Variants in ZNF121 observed in about 807,000 individuals in gnomAD.
ZNF121 encodes zinc finger protein 121, also known as zinc finger protein 121 (clone ZHC32).
A neutral mutation model predicts 2.4 loss-of-function variants in ZNF121; 1 was observed. The ratio of observed to expected loss-of-function variants is 0.41; its 90% CI spans 0.15 to 1.94. The LOEUF (loss-of-function observed/expected upper bound fraction) is 1.94, where lower values mean the gene tolerates loss of function less well. ZNF121 is among the 30% of genes most tolerant of loss of function. The probability of loss-of-function intolerance (pLI) is 0.30; values close to 1 mark genes in which losing one functional copy is unlikely to be tolerated. For synonymous variants in ZNF121, 173 were observed against 158.6 expected (o/e 1.09, Z -0.68); for missense variants, 369 against 466.3 (o/e 0.79, Z 1.92).
intron 1 of ZNF121, among the ~76,000 whole-genome samples, chr19:9,577,806 T>C (rs958742608): frequency 9.9e-5 from 15 of 152,042 alleles, no homozygotes; most frequent in Non-Finnish European, 1.5e-4. Flanking sequence ...CCCAGCACTT[T>C]GGGAGGCCGA....
rs985827990 is a variant in ZNF121 at position 9,566,513 on chromosome 19, A to G, written c.600T>C (p.Tyr200=). The G allele has an allele frequency of 1.4e-5, 23 of 1,614,064 alleles. No homozygotes were observed. Among genetic ancestry groups the G allele is most frequent in the Middle Eastern group, 1.6e-4 (1 of 6,084 alleles). The part of the protein sequence containing the change: ...HVRIHTGEKP[Y]QCKECGRAFA... Reference sequence around the variant, plus strand: ...AGGCTCTTCCACATTCCTTACATTGATAAGGTTTCTCTCCAGTATGAATTC... The same window carrying G: ...AGGCTCTTCCACATTCCTTACATTGGTAAGGTTTCTCTCCAGTATGAATTC... The change falls in exon 4 of 4, where the codon TAT becomes TAC. Residue 200 remains tyrosine (Y), a synonymous_variant. Coordinates refer to ENST00000320451, the MANE Select transcript of ZNF121 (RefSeq NM_001008727.5).
chr19:9,566,646 G>A lies in ZNF121; in HGVS notation c.467C>T (p.Ser156Phe), dbSNP rs753298889. Residue 156 changes from serine to phenylalanine, a missense_variant, in exon 4 of 4, where the codon TCT becomes TTT. Physicochemically the swap from Ser to Phe is radical, Grantham distance 155. Coordinates refer to ENST00000320451, the MANE Select transcript of ZNF121 (RefSeq NM_001008727.5). ...TCGCATGTGACTATTAAGATATGAA[G>A]AATATCTAAAGAATTTTCCACATTC... ...CKECGKFFRY[S>F]SYLNSHMRTH... The A allele has an allele frequency of 6.2e-7, 1 of 1,614,132 alleles. No individual in the cohort carries two copies. Among genetic ancestry groups the A allele is most frequent in the Admixed American group, 1.7e-5 (1 of 60,022 alleles).
At chr19:9,568,369 T>C (rs1242115610) in intron 2 of ZNF121, among the ~76,000 whole-genome samples, 194 bp from the exon 3 acceptor site, 1 of 149,654 alleles carries the variant, frequency 6.7e-6, no homozygotes, top group African/African-American at 2.5e-5. Flanking sequence ...CTAAACTTAG[T>C]AATTTTTTTT....
intron 1 of ZNF121, among the ~76,000 whole-genome samples, chr19:9,571,051 C>T (rs1400078013): frequency 2.6e-5 from 4 of 152,148 alleles, no homozygotes; most frequent in South Asian, 2.1e-4. Context: ...GCTAACTGAT[C>T]GTGCTGTCCC....
intron 1 of ZNF121, among the ~76,000 whole-genome samples, chr19:9,576,929 A>T (rs1231982798): frequency 6.6e-6 from 1 of 152,230 alleles, no homozygotes; most frequent in Non-Finnish European, 1.5e-5. Flanking sequence ...GAAAACCTCA[A>T]CACACCAATA....
chr19:9,567,973 A>G, intron 3 of ZNF121, 122 bp downstream of exon 3: 2 of 1,119,614 alleles, frequency 1.8e-6, no homozygotes, highest in Non-Finnish European at 2.5e-6. Context: ...CCCTTGCTCT[A>G]GAGACATTCC....
rs2074099510 is a variant in ZNF121 at position 9,561,330 on chromosome 19, A to C, written c.*4610T>G. 1 of 152,202 alleles carries C rather than the reference A, an allele frequency of 6.6e-6. No individual in the cohort carries two copies. Among genetic ancestry groups the C allele is most frequent in the Admixed American group, 6.5e-5 (1 of 15,282 alleles). 9.4% of individuals were successfully genotyped at this position (152,202 alleles called of 1,614,324 possible). A position where few individuals can be genotyped will look rare whatever the true frequency, so the allele number is the denominator to read the frequency against. Reference sequence around the variant, plus strand: ...AGGGCTGGAGACAAATGTACCATGAACAAACTGTTGCCCAGAAAATAATTA... The same window carrying C: ...AGGGCTGGAGACAAATGTACCATGACCAAACTGTTGCCCAGAAAATAATTA... On this transcript the variant is annotated 3_prime_UTR_variant, in exon 4 of 4. Transcript: ENST00000320451.
intron 1 of ZNF121, among the ~76,000 whole-genome samples, chr19:9,569,400 T>C (rs1306908174): frequency 2.0e-5 from 3 of 151,934 alleles, no homozygotes; most frequent in East Asian, 1.9e-4. Context: ...TGAGTCATGA[T>C]TGCACCACTG....
chr19:9,577,767 G>A (rs1332538259), intron 1 of ZNF121, among the ~76,000 whole-genome samples: 1 of 152,080 alleles, frequency 6.6e-6, no homozygotes, highest in African/African-American at 2.4e-5. Context: ...AAGCTGGAGT[G>A]GCCAGGTGCA....
At position 9,561,203 on chromosome 19, in the gene ZNF121, C is replaced by T. The variant is rs1290760216; in HGVS notation, c.*4737G>A. ...TTTGCCATATCCTCCATAGAGAAGA[C>T]CTAAAAGCCAGGGCACTATTACCTA... On this transcript the variant is annotated 3_prime_UTR_variant, in exon 4 of 4. Transcript: ENST00000320451. 1 of 152,082 alleles carries T rather than the reference C, an allele frequency of 6.6e-6. No individual in the cohort carries two copies. Among genetic ancestry groups the T allele is most frequent in the African/African-American group, 2.4e-5 (1 of 41,402 alleles). 9.4% of individuals were successfully genotyped at this position (152,082 alleles called of 1,614,324 possible).
At chr19:9,578,276 C>T (rs1431830307) in intron 1 of ZNF121, among the ~76,000 whole-genome samples, 2 of 152,018 alleles carry the variant, frequency 1.3e-5, no homozygotes, top group Non-Finnish European at 2.9e-5. Flanking sequence ...TGCCTGTAGT[C>T]CCAGCTACTA....
chr19:9,578,648 T>C (rs767452871), intron 1 of ZNF121, among the ~76,000 whole-genome samples: 1 of 152,088 alleles, frequency 6.6e-6, no homozygotes, highest in Non-Finnish European at 1.5e-5. Flanking sequence ...AATAACGATA[T>C]GCAGAATGAA....
At chr19:9,572,587 C>T (rs889779628) in intron 1 of ZNF121, among the ~76,000 whole-genome samples, 43 of 152,250 alleles carry the variant, frequency 2.8e-4, no homozygotes, top group East Asian at 2.7e-3. Flanking sequence ...TGTAGGGGTA[C>T]GCTACACAGG....
chr19:9,570,808 T>C (rs2074168755), intron 1 of ZNF121, among the ~76,000 whole-genome samples: 2 of 152,122 alleles, frequency 1.3e-5, no homozygotes, highest in Non-Finnish European at 2.9e-5. Flanking sequence ...CTAGAACTCC[T>C]GGCCTCAGGT....
rs564242217 is a variant in ZNF121, at chr19:9,564,607, T to C, written c.*1333A>G. 6.6e-6 allele frequency: 1 copy of C among 152,270 alleles called. No homozygotes were observed. Among genetic ancestry groups the C allele is most frequent in the Admixed American group, 6.5e-5 (1 of 15,288 alleles). 9.4% of individuals were successfully genotyped at this position (152,270 alleles called of 1,614,324 possible). On this transcript the variant is annotated 3_prime_UTR_variant, in exon 4 of 4. Coordinates refer to ENST00000320451, the MANE Select transcript of ZNF121 (RefSeq NM_001008727.5). ...TGAACAGATGAGAGGCTGCTTTGTATAGATAAGCAAAGAAAGTGGTTTCCT... is the reference window on the plus strand; with the variant it reads ...TGAACAGATGAGAGGCTGCTTTGTACAGATAAGCAAAGAAAGTGGTTTCCT...
In ZNF121 at chr19:9,566,372, A is replaced by G. The variant is rs987126291; in HGVS notation, c.741T>C (p.Phe247=). Residue 247 remains phenylalanine (F), a synonymous_variant, in exon 4 of 4, where the codon TTT becomes TTC. Coordinates refer to ENST00000320451, the MANE Select transcript of ZNF121 (RefSeq NM_001008727.5). ...YNRFYLLTEH[F]KTHTEEKPFE... ...AGGGCTTCTCCTCTGTGTGAGTTTTAAAATGTTCAGTTAGTAGATAAAACC... is the reference window on the plus strand; with the variant it reads ...AGGGCTTCTCCTCTGTGTGAGTTTTGAAATGTTCAGTTAGTAGATAAAACC... 37 of 1,611,910 alleles carry G rather than the reference A, an allele frequency of 2.3e-5. No homozygotes were observed. Among genetic ancestry groups the G allele is most frequent in the Admixed American group, 1.7e-4 (10 of 59,844 alleles).
chr19:9,565,186 G>C lies in ZNF121; in HGVS notation c.*754C>G, dbSNP rs1052719265. On this transcript the variant is annotated 3_prime_UTR_variant, in exon 4 of 4. Coordinates refer to ENST00000320451, the MANE Select transcript of ZNF121 (RefSeq NM_001008727.5). ...GCATGCCTGTATCTTGTATCAATAG[G>C]GTTTCTCTTCTCCATTGCAACATCT... 9 of 151,290 alleles carry C rather than the reference G, an allele frequency of 5.9e-5. No individual in the cohort carries two copies. Among genetic ancestry groups the C allele is most frequent in the Admixed American group, 5.3e-4 (8 of 15,144 alleles). The allele number at this position is 151,290 out of a possible 1,614,324, so 9.4% of individuals were successfully genotyped here. A position where few individuals can be genotyped will look rare whatever the true frequency, so the allele number is the denominator to read the frequency against.
rs544858687 is a variant in ZNF121 at position 9,566,618 on chromosome 19, G to A, written c.495C>T (p.Thr165=). 6.2e-7 allele frequency: 1 copy of A among 1,614,120 alleles called. No homozygotes were observed. Among genetic ancestry groups the A allele is most frequent in the South Asian group, 1.1e-5 (1 of 91,064 alleles). ...ATTCATAGGGTTTCTCCCCAGTATG[G>A]GTTCGCATGTGACTATTAAGATATG... ...YSSYLNSHMR[T]HTGEKPYECK... is the part of the protein sequence containing the mutation. The change falls in exon 4 of 4, where the codon ACC becomes ACT. Residue 165 remains threonine, a synonymous_variant. Transcript: ENST00000320451.
chr19:9,566,799 G>A lies in ZNF121; in HGVS notation c.314C>T (p.Ala105Val). 1.2e-6 allele frequency: 2 copies of A among 1,614,094 alleles called. No homozygotes were observed. The highest frequency in any genetic ancestry group is 2.2e-5 in the East Asian group (1 of 44,876). The change falls in exon 4 of 4, where the codon GCA (alanine) becomes GTA (valine). Residue 105 changes from alanine (A) to valine (V), a missense_variant. By Grantham distance (64) the Ala-to-Val change is moderately conservative. Transcript: ENST00000320451. The stretch of plus-strand genomic sequence containing the variant: ...TTCTCCATTGTGAGTTATCCTATTT[G>A]CCTGAAGATGTGACTGATCAACAAA... ...EAFVDQSHLQ[A>V]NRITHNGETL...
Sources: gnomAD v4.1 joint callset for allele counts (sites outside exome capture counted in the v4.1 genomes callset) on GRCh38, gnomAD v4.1.1 for gene constraint, MANE v1.5 for transcripts, NCBI Gene and HGNC (gene_info 2026-07-23, HGNC 2026-07-21) for gene names.